WDR72: variants seen among roughly 807,000 people sequenced by gnomAD.
WDR72 encodes the protein WD repeat-containing protein 72.
Under a neutral mutation model 124.2 loss-of-function variants are expected in WDR72, and 120 were observed. That is an observed-to-expected ratio of 0.97 (90% CI 0.83 to 1.12). The LOEUF is 1.12. Ranked by LOEUF, WDR72 falls within the 50% of genes most tolerant of loss-of-function variation. The probability of loss-of-function intolerance (pLI) is 0.00; values close to 1 mark genes in which losing one functional copy is unlikely to be tolerated. For synonymous variants in WDR72, 452 were observed against 441.7 expected, an observed-to-expected ratio of 1.02 and a Z score of -0.29; for missense variants, 1,387 against 1,278.8, an observed-to-expected ratio of 1.08 and a Z score of -1.29.
chr15:53,587,499 C>T (rs918649691), intron 18 of WDR72, among the ~76,000 whole-genome samples: 1 of 151,936 alleles, frequency 6.6e-6, no homozygotes, highest in African/African-American at 2.4e-5. Context: ...GGATTTTGCA[C>T]ATAATACTTT....
At chr15:53,578,511 A>G (rs1350346059) in intron 18 of WDR72, among the ~76,000 whole-genome samples, 1 of 152,102 alleles carries the variant, frequency 6.6e-6, no homozygotes, top group Non-Finnish European at 1.5e-5. Context: ...ATGATGGGAC[A>G]GCATATGCAG....
chr15:53,738,442 C>T (rs2018415874), intron 1 of WDR72, among the ~76,000 whole-genome samples: 1 of 151,922 alleles, frequency 6.6e-6, no homozygotes, highest in Non-Finnish European at 1.5e-5. Context: ...AAGGAAGGCC[C>T]TAAAAACATC....
intron 14 of WDR72, among the ~76,000 whole-genome samples, chr15:53,628,436 C>T (rs1464451576): frequency 6.6e-6 from 1 of 151,958 alleles, no homozygotes; most frequent in Non-Finnish European, 1.5e-5. Flanking sequence ...GTATTGAATA[C>T]TATATTACTG....
chr15:53,601,540 C>T (rs1267413080), intron 17 of WDR72, among the ~76,000 whole-genome samples: 1 of 152,034 alleles, frequency 6.6e-6, no homozygotes, highest in Admixed American at 6.6e-5. Flanking sequence ...GGACTGAATG[C>T]CGCAATTAAA....
At chr15:53,664,759 C>G (rs1239792432) in intron 14 of WDR72, among the ~76,000 whole-genome samples, 2 of 151,702 alleles carry the variant, frequency 1.3e-5, no homozygotes, top group Non-Finnish European at 1.5e-5. Context: ...ACATAAAAAC[C>G]AAGCCATATA....
chr15:53,613,516 C>A, intron 16 of WDR72, 150 bp downstream of exon 16: 2 of 590,922 alleles, frequency 3.4e-6, no homozygotes, highest in South Asian at 2.2e-5. Context: ...AGCCTAAAGC[C>A]ACACAGCTAG....
At chr15:53,529,705 A>T (rs1892344027) in intron 18 of WDR72, among the ~76,000 whole-genome samples, 1 of 152,024 alleles carries the variant, frequency 6.6e-6, no homozygotes, top group Admixed American at 6.6e-5. Flanking sequence ...CCTCAATCCA[A>T]AGGGAGAATC....
intron 19 of WDR72, among the ~76,000 whole-genome samples, chr15:53,518,893 CATAG>C (rs1891625813): frequency 6.6e-6 from 1 of 152,022 alleles, no homozygotes; most frequent in Non-Finnish European, 1.5e-5. Flanking sequence ...TATAGATCTA[CATAG>C]ATAACCTGCC....
intron 6 of WDR72, among the ~76,000 whole-genome samples, chr15:53,713,825 C>T (rs751204030): frequency 2.6e-5 from 4 of 152,096 alleles, no homozygotes; most frequent in African/African-American, 4.8e-5. Context: ...TAGAATAGTA[C>T]GTTCTCAATA....
intron 14 of WDR72, among the ~76,000 whole-genome samples, chr15:53,654,105 C>T (rs1260731406): frequency 2.0e-5 from 3 of 152,060 alleles, no homozygotes; most frequent in South Asian, 2.1e-4. Context: ...AGTGAAGAAA[C>T]TTTTAATTAT....
At chr15:53,626,118 T>C (rs763678672) in intron 14 of WDR72, among the ~76,000 whole-genome samples, 1 of 152,154 alleles carries the variant, frequency 6.6e-6, no homozygotes, top group Non-Finnish European at 1.5e-5. Context: ...GCTCCCAAGA[T>C]GGTGGTGGGC....
intron 11 of WDR72, 64 bp downstream of exon 11, chr15:53,704,924 G>A: frequency 6.3e-7 from 1 of 1,584,500 alleles, no homozygotes; most frequent in South Asian, 1.1e-5. Context: ...CTTGTTTAGT[G>A]CAGTCTGTTG....
At chr15:53,557,895 G>A (rs2140289288) in intron 18 of WDR72, among the ~76,000 whole-genome samples, 1 of 152,158 alleles carries the variant, frequency 6.6e-6, no homozygotes, top group Admixed American at 6.6e-5. Context: ...CACAGATTGA[G>A]GAGGTGAGAT....
Position 53,705,190 on chromosome 15 carries a change from A to C in WDR72, c.1146T>G (p.Asp382Glu), listed in dbSNP as rs201220840. ...TACTTTGTGACATAGTATCATGCTT[A>C]TCAAAATTATCTTGAAGAGTCCAGG... ...TATWTLQDNF[D>E]KHDTMSQSII... Residue 382 changes from aspartate (D) to glutamate (E), a missense_variant, in exon 11 of 20, where the codon GAT (aspartate) becomes GAG (glutamate). Asp to Glu is a conservative substitution (Grantham distance 45). Transcript: ENST00000360509. 64 of 1,614,016 alleles carry C rather than the reference A, an allele frequency of 4.0e-5. No homozygotes were observed. Among genetic ancestry groups the C allele is most frequent in the Middle Eastern group, 1.7e-4 (1 of 6,060 alleles).
intron 1 of WDR72, among the ~76,000 whole-genome samples, chr15:53,737,874 C>A (rs2018401906): frequency 6.6e-6 from 1 of 152,112 alleles, no homozygotes; most frequent in African/African-American, 2.4e-5. Context: ...ACCACGCATA[C>A]AACATTTATA....
In WDR72 at chr15:53,620,328, T is replaced by A. The variant is rs552602030; in HGVS notation, c.1963-4085A>T. ...ATATATATTGTCAATGGAAAATATT[T>A]AAATTTTTAAAAATATAATCCCATT... On this transcript the variant is annotated intron_variant, in intron 14 of 19. Coordinates refer to ENST00000360509, the MANE Select transcript of WDR72 (RefSeq NM_182758.4). 3.5e-3 allele frequency among the ~76,000 whole-genome samples: 528 copies of A among 152,140 alleles called. 2 individuals carry two copies. Among genetic ancestry groups the A allele is most frequent in the African/African-American group, 0.012 (505 of 41,536 alleles).
chr15:53,703,205 C>T (rs771070420), intron 11 of WDR72, among the ~76,000 whole-genome samples: 50 of 152,244 alleles, frequency 3.3e-4, no homozygotes, highest in Non-Finnish European at 5.4e-4. Context: ...GTAGCCACCG[C>T]GCCCAGCCCG....
intron 1 of WDR72, among the ~76,000 whole-genome samples, chr15:53,747,345 T>C (rs1225052866): frequency 6.6e-6 from 1 of 152,190 alleles, no homozygotes; most frequent in Non-Finnish European, 1.5e-5. Flanking sequence ...AACATGACTA[T>C]TTCGGAATTA....
At chr15:53,633,326 C>A (rs1433923896) in intron 14 of WDR72, among the ~76,000 whole-genome samples, 1 of 152,136 alleles carries the variant, frequency 6.6e-6, no homozygotes, top group Admixed American at 6.5e-5. Flanking sequence ...GTGCCTACGT[C>A]CCCTTCACCT....
Sources: allele counts gnomAD v4.1 joint callset (sites outside exome capture counted in the v4.1 genomes callset), GRCh38; gene constraint gnomAD v4.1.1; transcripts MANE v1.5; gene names NCBI Gene and HGNC (gene_info 2026-07-23, HGNC 2026-07-21).